SLC24A4: variants seen among roughly 807,000 people sequenced by gnomAD.
The protein encoded by SLC24A4 is solute carrier family 24 member 4, also known as sodium/potassium/calcium exchanger 4.
SLC24A4 carries 53 observed loss-of-function variants against 79.0 expected under a neutral mutation model. The ratio of observed to expected loss-of-function variants is 0.67; its 90% CI spans 0.54 to 0.84. The LOEUF (loss-of-function observed/expected upper bound fraction) is 0.84, where lower values mean the gene tolerates loss of function less well. SLC24A4 is among the 40% of genes least tolerant of loss of function. The pLI, the probability that SLC24A4 is intolerant of heterozygous loss-of-function variation, is 0.00. For synonymous variants in SLC24A4, 323 were observed against 323.8 expected, an observed-to-expected ratio of 1.00 and a Z score of 0.03; for missense variants, 731 against 822.0, an observed-to-expected ratio of 0.89 and a Z score of 1.35.
intron 2 of SLC24A4, among the ~76,000 whole-genome samples, chr14:92,346,031 CAG>C (rs1305490846): frequency 2.0e-5 from 3 of 152,054 alleles, no homozygotes; most frequent in Non-Finnish European, 4.4e-5. Context: ...CAGGACCACT[CAG>C]GGGAAAGGTA....
At chr14:92,392,424 G>A (rs1328886725) in intron 2 of SLC24A4, among the ~76,000 whole-genome samples, 2 of 151,956 alleles carry the variant, frequency 1.3e-5, no homozygotes, top group African/African-American at 2.4e-5. Flanking sequence ...CACTTGCCTC[G>A]TGGAGGTCCA....
At chr14:92,400,223 G>A (rs1044972730) in intron 2 of SLC24A4, among the ~76,000 whole-genome samples, 7 of 152,034 alleles carry the variant, frequency 4.6e-5, no homozygotes, top group East Asian at 1.9e-4. Flanking sequence ...GGCAGATCAC[G>A]AGGTCAGGAG....
At chr14:92,480,673 T>C (rs1389556190) in intron 12 of SLC24A4, among the ~76,000 whole-genome samples, 1 of 152,228 alleles carries the variant, frequency 6.6e-6, no homozygotes, top group East Asian at 1.9e-4. Context: ...CTTTAGTGTG[T>C]TACATTTTTT....
chr14:92,385,787 G>T (rs530524942), intron 2 of SLC24A4, among the ~76,000 whole-genome samples: 1 of 152,136 alleles, frequency 6.6e-6, no homozygotes, highest in Non-Finnish European at 1.5e-5. Context: ...GCTGGGTGTC[G>T]CAAGGACAGC....
At chr14:92,333,130 C>T (rs1885574496) in intron 2 of SLC24A4, among the ~76,000 whole-genome samples, 1 of 152,194 alleles carries the variant, frequency 6.6e-6, no homozygotes, top group Non-Finnish European at 1.5e-5. Flanking sequence ...GTCTCACCCC[C>T]TCACCCAGGT....
chr14:92,359,475 T>C (rs1887374273), intron 2 of SLC24A4, among the ~76,000 whole-genome samples: 1 of 152,064 alleles, frequency 6.6e-6, no homozygotes, highest in East Asian at 1.9e-4. Flanking sequence ...GGTGTGCACC[T>C]GTAATCCCAG....
chr14:92,378,563 A>G (rs1468405997), intron 2 of SLC24A4, among the ~76,000 whole-genome samples: 1 of 152,164 alleles, frequency 6.6e-6, no homozygotes, highest in Non-Finnish European at 1.5e-5. Context: ...GTCTTTGTCC[A>G]GCTTTCTGTT....
intron 2 of SLC24A4, among the ~76,000 whole-genome samples, chr14:92,342,782 C>G (rs1392632831): frequency 6.6e-6 from 1 of 152,248 alleles, no homozygotes. Flanking sequence ...CCCTTGGACT[C>G]CACCTGCTAT....
At position 92,491,588 on chromosome 14, in the gene SLC24A4, A is replaced by G. The variant is rs1420749442; in HGVS notation, c.1538-77A>G. ...AATTGCTTTCCAAGGAATGGCACTG[A>G]TAGAACAGTTAGGAGAAAGAATACA... On this transcript the variant is annotated intron_variant, in intron 14 of 16. Coordinates refer to ENST00000532405, the MANE Select transcript of SLC24A4 (RefSeq NM_153646.4). 5.0e-6 allele frequency: 5 copies of G among 1,007,888 alleles called. No individual in the cohort carries two copies. The East Asian group carries it at 7.1e-5, about 14-fold the overall frequency. The allele number at this position is 1,007,888 out of a possible 1,614,324, so 62.4% of individuals were successfully genotyped here.
intron 12 of SLC24A4, among the ~76,000 whole-genome samples, chr14:92,460,723 G>C (rs1893748757): frequency 6.6e-6 from 1 of 152,202 alleles, no homozygotes; most frequent in Non-Finnish European, 1.5e-5. Context: ...CTGAGCAGAT[G>C]ACCACACAAT....
chr14:92,471,564 T>C (rs1328006742), intron 12 of SLC24A4, among the ~76,000 whole-genome samples: 1 of 152,148 alleles, frequency 6.6e-6, no homozygotes, highest in Non-Finnish European at 1.5e-5. Context: ...TGTTATATTA[T>C]ACACCCAACC....
chr14:92,337,483 C>A (rs1885880952), intron 2 of SLC24A4, among the ~76,000 whole-genome samples: 1 of 152,200 alleles, frequency 6.6e-6, no homozygotes, highest in Non-Finnish European at 1.5e-5. Flanking sequence ...TGGCTGACCC[C>A]TCTAGCCTGT....
intron 9 of SLC24A4, 67 bp from the exon 10 acceptor site, chr14:92,449,007 C>T: frequency 6.3e-7 from 1 of 1,580,068 alleles, no homozygotes; most frequent in Non-Finnish European, 8.6e-7. Flanking sequence ...GGGGTGTGAT[C>T]CACCCGCTGC....
At chr14:92,334,599 T>G (rs1235253400) in intron 2 of SLC24A4, among the ~76,000 whole-genome samples, 1 of 152,198 alleles carries the variant, frequency 6.6e-6, no homozygotes, top group African/African-American at 2.4e-5. Flanking sequence ...ACAAAGATTT[T>G]CAGCAGCCAG....
intron 2 of SLC24A4, among the ~76,000 whole-genome samples, chr14:92,349,627 C>T (rs1886757106): frequency 6.6e-6 from 1 of 152,186 alleles, no homozygotes; most frequent in Non-Finnish European, 1.5e-5. Flanking sequence ...AGTGCAATAT[C>T]ACAACAAGGA....
chr14:92,475,348 A>G lies in SLC24A4; in HGVS notation c.1256-7332A>G, dbSNP rs1014707661. Among the ~76,000 whole-genome samples, 8 of 152,216 alleles carry G rather than the reference A, an allele frequency of 5.3e-5. No homozygotes were observed. In the East Asian group the frequency reaches 5.8e-4, roughly 11 times the overall value. ...CAGAGCAGGCTGTTAGAATAAGACT[A>G]TGTACCACCACCTGCTAATTGTATG... On this transcript the variant is annotated intron_variant, in intron 12 of 16. Coordinates refer to ENST00000532405, the MANE Select transcript of SLC24A4 (RefSeq NM_153646.4).
Position 92,470,935 on chromosome 14 carries a change from C to T in SLC24A4, c.1256-11745C>T, listed in dbSNP as rs775042622. On this transcript the variant is annotated intron_variant, in intron 12 of 16. Coordinates refer to ENST00000532405, the MANE Select transcript of SLC24A4 (RefSeq NM_153646.4). ...CCAGGGTTCAGAGGAAACAACAAGA[C>T]ACCATCCATCTCTCAGCATTGCTTT... Among the ~76,000 whole-genome samples, 97 of 152,228 alleles carry T rather than the reference C, an allele frequency of 6.4e-4. 1 individual carries two copies. Among genetic ancestry groups the T allele is most frequent in the Non-Finnish European group, 3.5e-4 (24 of 68,036 alleles).
At chr14:92,413,680 G>A (rs746233657) in intron 2 of SLC24A4, among the ~76,000 whole-genome samples, 3 of 152,204 alleles carry the variant, frequency 2.0e-5, no homozygotes, top group Non-Finnish European at 4.4e-5. Flanking sequence ...TGGAAAGATT[G>A]AAAGTCAAAA....
At chr14:92,480,179 C>T (rs1179864565) in intron 12 of SLC24A4, among the ~76,000 whole-genome samples, 1 of 150,310 alleles carries the variant, frequency 6.7e-6, no homozygotes, top group African/African-American at 2.4e-5. Context: ...TATTTTCACT[C>T]TAACCTTGAT....
Sources: allele counts gnomAD v4.1 joint callset (sites outside exome capture counted in the v4.1 genomes callset), GRCh38; gene constraint gnomAD v4.1.1; transcripts MANE v1.5; gene names NCBI Gene and HGNC (gene_info 2026-07-23, HGNC 2026-07-21).